FARP1: variants seen among roughly 807,000 people sequenced by gnomAD.
FARP1 encodes the protein FERM, ARH/RhoGEF and pleckstrin domain protein 1, also known as FERM, ARHGEF and pleckstrin domain-containing protein 1.
Under a neutral mutation model 128.8 loss-of-function variants are expected in FARP1, and 52 were observed. That is an observed-to-expected ratio of 0.40 (90% CI 0.32 to 0.51). The LOEUF (loss-of-function observed/expected upper bound fraction) is 0.51, where lower values mean the gene tolerates loss of function less well. FARP1 is among the 20% of genes least tolerant of loss of function. The pLI is 0.45. For missense variants in FARP1, 1,333 were observed against 1,367.9 expected, an observed-to-expected ratio of 0.97 and a Z score of 0.40; for synonymous variants, 580 against 551.8, an observed-to-expected ratio of 1.05 and a Z score of -0.72.
intron 16 of FARP1, among the ~76,000 whole-genome samples, chr13:98,416,048 A>T (rs1427344998): frequency 1.3e-5 from 2 of 152,224 alleles, no homozygotes; most frequent in Admixed American, 6.5e-5. Context: ...ATCATTTTTT[A>T]AAAATTAACT....
In FARP1 at chr13:98,385,763, A is replaced by G; in HGVS notation, c.708A>G (p.Glu236=). Residue 236 remains glutamate (E), a synonymous_variant, in exon 8 of 27, where the codon GAA becomes GAG. Coordinates refer to ENST00000319562, the MANE Select transcript of FARP1 (RefSeq NM_005766.4). ...GIRLHPAKDR[E]GTKINLAVAN... ...GGTTGCACCCGGCCAAGGACAGGGA[A>G]GGCACGAAGATCAATCTGGCCGTTG... 1 of 1,614,210 alleles carries G rather than the reference A, an allele frequency of 6.2e-7. No individual in the cohort carries two copies. The highest frequency in any genetic ancestry group is 2.2e-5 in the East Asian group (1 of 44,880).
intron 2 of FARP1, among the ~76,000 whole-genome samples, chr13:98,307,686 C>G (rs1214203763): frequency 2.0e-5 from 3 of 152,132 alleles, no homozygotes; most frequent in Non-Finnish European, 2.9e-5. Context: ...CATCTGTTTC[C>G]TCCTGTTTAT....
chr13:98,349,585 C>A (rs1400425437), intron 3 of FARP1, among the ~76,000 whole-genome samples: 2 of 143,908 alleles, frequency 1.4e-5, no homozygotes, highest in Non-Finnish European at 1.5e-5. Flanking sequence ...GCAGGAGAAT[C>A]ACTTGAACCC....
chr13:98,291,040 C>T (rs764301360), intron 2 of FARP1, among the ~76,000 whole-genome samples: 1 of 152,108 alleles, frequency 6.6e-6, no homozygotes, highest in African/African-American at 2.4e-5. Flanking sequence ...GATCCGTGAA[C>T]AACGCAGGTT....
At chr13:98,321,775 A>G (rs947797637) in intron 2 of FARP1, among the ~76,000 whole-genome samples, 69 of 152,330 alleles carry the variant, frequency 4.5e-4, no homozygotes, top group African/African-American at 1.6e-3. Context: ...TGTTATTTGG[A>G]AATTTTATGG....
chr13:98,404,391 C>G (rs1408695188), intron 13 of FARP1: 2 of 139,146 alleles, frequency 1.4e-5, no homozygotes, highest in Admixed American at 7.0e-5. Flanking sequence ...ATACCGCCAG[C>G]TTTGCGTATT....
rs1892252903 is a variant in FARP1 at position 98,435,974 on chromosome 13, C to A, written c.2274+268C>A. On this transcript the variant is annotated intron_variant, in intron 19 of 26. Coordinates refer to ENST00000319562, the MANE Select transcript of FARP1 (RefSeq NM_005766.4). Reference sequence around the variant, plus strand: ...TTACCTTTTCCCCTACCATATCCCACAGAAGATTTGAGATTGCTTATTTTA... The same window carrying A: ...TTACCTTTTCCCCTACCATATCCCAAAGAAGATTTGAGATTGCTTATTTTA... 3 of 462,864 alleles carry A rather than the reference C, an allele frequency of 6.5e-6. No homozygotes were observed. In the East Asian group the frequency reaches 1.6e-4, roughly 24 times the overall value. The allele number at this position is 462,864 out of a possible 1,614,324, so 28.7% of individuals were successfully genotyped here.
chr13:98,330,350 G>A (rs1887449355), intron 2 of FARP1, among the ~76,000 whole-genome samples: 1 of 152,100 alleles, frequency 6.6e-6, no homozygotes, highest in Non-Finnish European at 1.5e-5. Flanking sequence ...GAAGATGATT[G>A]TTTCTGATAA....
intron 2 of FARP1, among the ~76,000 whole-genome samples, chr13:98,259,544 G>A (rs1051369149): frequency 7.2e-5 from 11 of 152,204 alleles, no homozygotes; most frequent in African/African-American, 2.6e-4. Context: ...CCAGTGTTTT[G>A]CCCCCCAGGT....
intron 1 of FARP1, among the ~76,000 whole-genome samples, chr13:98,144,115 G>A (rs916494134): frequency 6.6e-6 from 1 of 152,110 alleles, no homozygotes; most frequent in Non-Finnish European, 1.5e-5. Flanking sequence ...GCTTTGCGGC[G>A]AGTATTTCCA....
At chr13:98,279,036 T>C (rs1172870307) in intron 2 of FARP1, among the ~76,000 whole-genome samples, 1 of 150,714 alleles carries the variant, frequency 6.6e-6, no homozygotes, top group African/African-American at 2.4e-5. Context: ...GGGGTTTCAC[T>C]GTGTTGGCCA....
intron 2 of FARP1, among the ~76,000 whole-genome samples, chr13:98,213,731 G>A (rs1880880268): frequency 6.6e-6 from 1 of 152,104 alleles, no homozygotes; most frequent in South Asian, 2.1e-4. Context: ...GTAACTGGAG[G>A]GAAGAGTGGT....
chr13:98,365,381 T>C lies in FARP1; in HGVS notation c.277-14T>C, dbSNP rs1468220024. ...GAGAACTTAGGTCTTAATCTGTTCT[T>C]TTTTCCCTTCTAGGTGTGGCTGGAT... On this transcript the variant is annotated splice_polypyrimidine_tract_variant and intron_variant, in intron 3 of 26. Coordinates refer to ENST00000319562, the MANE Select transcript of FARP1 (RefSeq NM_005766.4). 4 of 1,604,920 alleles carry C rather than the reference T, an allele frequency of 2.5e-6. No homozygotes were observed. The Admixed American group carries it at 6.7e-5, about 27-fold the overall frequency.
chr13:98,154,248 A>G (rs964079542), intron 1 of FARP1, among the ~76,000 whole-genome samples: 10 of 152,198 alleles, frequency 6.6e-5, no homozygotes, highest in African/African-American at 2.4e-4. Context: ...TCACATACAG[A>G]TTTTGATATG....
chr13:98,321,637 C>T (rs1886995917), intron 2 of FARP1, among the ~76,000 whole-genome samples: 1 of 152,178 alleles, frequency 6.6e-6, no homozygotes, highest in Non-Finnish European at 1.5e-5. Context: ...GGCTCTGTGA[C>T]AAATTACCTG....
intron 2 of FARP1, among the ~76,000 whole-genome samples, chr13:98,304,020 C>G (rs1248509159): frequency 6.6e-6 from 1 of 152,154 alleles, no homozygotes; most frequent in Non-Finnish European, 1.5e-5. Context: ...GTGTAGAAAA[C>G]TCTACCTAAC....
At chr13:98,444,382 A>G (rs1892689551) in intron 24 of FARP1, among the ~76,000 whole-genome samples, 1 of 152,062 alleles carries the variant, frequency 6.6e-6, no homozygotes, top group African/African-American at 2.4e-5. Flanking sequence ...AAGAAGGGAG[A>G]GGAGCGGTGG....
chr13:98,390,707 C>T, intron 10 of FARP1, 105 bp from the exon 11 acceptor site: 1 of 859,346 alleles, frequency 1.2e-6, no homozygotes, highest in Non-Finnish European at 1.9e-6. Flanking sequence ...CTGCATCTCT[C>T]CCAGTTAGGG....
intron 2 of FARP1, among the ~76,000 whole-genome samples, chr13:98,315,177 G>T (rs117393453): frequency 6.6e-6 from 1 of 152,126 alleles, no homozygotes. Flanking sequence ...GTCACTCAGG[G>T]TGGAGTGCTG....
Sources: gnomAD v4.1 joint callset for allele counts (sites outside exome capture counted in the v4.1 genomes callset) on GRCh38, gnomAD v4.1.1 for gene constraint, MANE v1.5 for transcripts, NCBI Gene and HGNC (gene_info 2026-07-23, HGNC 2026-07-21) for gene names.